The following PSMC3 variants were observed in gnomAD, a reference collection of about 807,000 sequenced individuals.
PSMC3 encodes 26S proteasome regulatory subunit 6A.
PSMC3 carries 11 observed loss-of-function variants against 52.0 expected under a neutral mutation model. The observed-to-expected ratio is 0.21, with a 90% confidence interval of 0.13 to 0.35. The LOEUF (loss-of-function observed/expected upper bound fraction) is 0.35. Ranked by LOEUF, PSMC3 falls within the 10% of genes least tolerant of loss-of-function variation. The pLI, the probability that PSMC3 is intolerant of heterozygous loss-of-function variation, is 1.00. For missense variants in PSMC3, 238 were observed against 567.1 expected, an observed-to-expected ratio of 0.42 and a Z score of 5.89; for synonymous variants, 201 against 218.8, an observed-to-expected ratio of 0.92 and a Z score of 0.72.
intron 11 of PSMC3, 62 bp from the exon 12 acceptor site, chr11:47,419,007 G>A (rs2096036652): frequency 2.5e-6 from 4 of 1,606,266 alleles, no homozygotes. Context: ...GGCTCCCTGA[G>A]GCTCAGGCCT....
intron 9 of PSMC3, 35 bp downstream of exon 9, chr11:47,420,596 C>G (rs1197963469): frequency 6.5e-7 from 1 of 1,541,726 alleles, no homozygotes; most frequent in Non-Finnish European, 8.8e-7. Flanking sequence ...GACCTCTGAG[C>G]CTCATCATCT....
intron 10 of PSMC3, 135 bp from the exon 11 acceptor site, chr11:47,419,332 G>A (rs2096037185): frequency 7.1e-6 from 6 of 842,162 alleles, no homozygotes; most frequent in Non-Finnish European, 9.7e-6. Flanking sequence ...TACTCAATGC[G>A]CCTTGTTTTC....
chr11:47,426,378 CTCCCCACAAA>C lies in PSMC3; in HGVS notation c.-109_-100del, dbSNP rs2096046567. On this transcript the variant is annotated 5_prime_UTR_variant, in exon 1 of 12. Coordinates refer to ENST00000298852, the MANE Select transcript of PSMC3 (RefSeq NM_002804.5). ...CCTTCTCTTGACCAGTGGAAAACCT[CTCCCCACAAA>C]TCCCGACTCTTGACCCGACCAGCTC... is the stretch of plus-strand genomic sequence containing the variant. 2.7e-6 allele frequency: 3 copies of C among 1,131,640 alleles called. No individual in the cohort carries two copies. The South Asian group carries it at 4.9e-5, about 18-fold the overall frequency. The allele number at this position is 1,131,640 out of a possible 1,614,324, so 70.1% of individuals were successfully genotyped here.
Position 47,420,269 on chromosome 11 carries a change from A to G in PSMC3, c.1122T>C (p.Asn374=). ...RIMQIHSRKM[N]VSPDVNYEEL... is the part of the protein sequence containing the mutation. ...CTGCCCGTGCTCCTGCTCACCTGAC[A>G]TTCATCTTTCGGGAGTGGATCTGCA... The change falls in exon 10 of 12, where the codon AAT becomes AAC. Residue 374 remains asparagine, a synonymous_variant. Coordinates refer to ENST00000298852, the MANE Select transcript of PSMC3 (RefSeq NM_002804.5). The G allele has an allele frequency of 2.5e-6, 4 of 1,614,100 alleles. No homozygotes were observed. Among genetic ancestry groups the G allele is most frequent in the Non-Finnish European group, 3.4e-6 (4 of 1,180,006 alleles).
At chr11:47,420,140 T>G in intron 10 of PSMC3, 124 bp downstream of exon 10, 1 of 1,155,326 alleles carries the variant, frequency 8.7e-7, no homozygotes, top group Non-Finnish European at 1.3e-6. Context: ...AACGGTGCTG[T>G]GTGTGCCTGG....
At chr11:47,419,222 G>A in intron 10 of PSMC3, 25 bp from the exon 11 acceptor site, 4 of 1,612,488 alleles carry the variant, frequency 2.5e-6, no homozygotes, top group Non-Finnish European at 3.4e-6. Flanking sequence ...GATACCACAG[G>A]CTCAGTGGCT....
rs1037918821 is a variant in PSMC3 at position 47,418,779 on chromosome 11, C to G, written c.*56G>C. On this transcript the variant is annotated 3_prime_UTR_variant, in exon 12 of 12. Transcript: ENST00000298852. ...AGGCAGACAAGCAGCGGCAGGGACC[C>G]TAAACCATCTTTTATTGCGCACTTC... 6.6e-7 allele frequency: 1 copy of G among 1,523,548 alleles called. No homozygotes were observed. The highest frequency in any genetic ancestry group is 1.7e-5 in the Admixed American group (1 of 57,912). The allele number at this position is 1,523,548 out of a possible 1,614,324, so 94.4% of individuals were successfully genotyped here. A position where few individuals can be genotyped will look rare whatever the true frequency, so the allele number is the denominator to read the frequency against.
chr11:47,423,014 G>C (rs775255708), intron 6 of PSMC3, 41 bp from the exon 7 acceptor site: 7 of 1,566,816 alleles, frequency 4.5e-6, no homozygotes, highest in Non-Finnish European at 6.0e-6. Flanking sequence ...GAAGCCCTGA[G>C]GGCTTCTACA....
intron 2 of PSMC3, 90 bp downstream of exon 2, chr11:47,425,777 G>C: frequency 8.8e-7 from 1 of 1,140,544 alleles, no homozygotes; most frequent in Non-Finnish European, 1.3e-6. Flanking sequence ...CTCCCCCAGG[G>C]TGCCCGATTA....
Position 47,424,529 on chromosome 11 carries a change from C to T in PSMC3, c.391-38G>A. ...TACAGGGGCAGTCTCAGTTAGTGTCCTCAGGGAAGGCTCCCTAGTCCTGTC... is the reference window on the plus strand; with the variant it reads ...TACAGGGGCAGTCTCAGTTAGTGTCTTCAGGGAAGGCTCCCTAGTCCTGTC... On this transcript the variant is annotated intron_variant, in intron 4 of 11. Coordinates refer to ENST00000298852, the MANE Select transcript of PSMC3 (RefSeq NM_002804.5). The surrounding 1 kb of genome is among the most constrained non-coding windows in gnomAD (Gnocchi z 4.8). The T allele has an allele frequency of 6.2e-7, 1 of 1,611,270 alleles. No homozygotes were observed. Among genetic ancestry groups the T allele is most frequent in the Non-Finnish European group, 8.5e-7 (1 of 1,177,428 alleles).
chr11:47,421,698 G>GC (rs2096040764), intron 8 of PSMC3, among the ~76,000 whole-genome samples: 1 of 150,588 alleles, frequency 6.6e-6, no homozygotes, highest in Admixed American at 6.6e-5. Flanking sequence ...TGTCATCCAG[G>GC]CCGGAGCACA....
intron 10 of PSMC3, among the ~76,000 whole-genome samples, chr11:47,419,878 A>AAAG (rs1431693335): frequency 6.6e-6 from 1 of 151,974 alleles, no homozygotes; most frequent in Admixed American, 6.6e-5. Flanking sequence ...AAAAAAAAAA[A>AAAG]AAAAGTAAGG....
rs1393039027 is a variant in PSMC3, at chr11:47,420,247, C to T, written c.1127+17G>A. 6.2e-7 allele frequency: 1 copy of T among 1,613,526 alleles called. No homozygotes were observed. The highest frequency in any genetic ancestry group is 1.7e-5 in the Admixed American group (1 of 59,990). On this transcript the variant is annotated intron_variant, in intron 10 of 11. Transcript: ENST00000298852. ...CGCCTGTTCAGGTCTCTGTGCCCTG[C>T]CCGTGCTCCTGCTCACCTGACATTC...
In PSMC3 at chr11:47,426,355, T is replaced by C; in HGVS notation, c.-76A>G. On this transcript the variant is annotated 5_prime_UTR_variant, in exon 1 of 12. Transcript: ENST00000298852. ...GATTAATACCGTCTTTCTTAAAGCC[T>C]TCTCTTGACCAGTGGAAAACCTCTC... 4 of 1,335,766 alleles carry C rather than the reference T, an allele frequency of 3.0e-6. No individual in the cohort carries two copies. Among genetic ancestry groups the C allele is most frequent in the Non-Finnish European group, 4.1e-6 (4 of 972,312 alleles). 82.7% of individuals were successfully genotyped at this position (1,335,766 alleles called of 1,614,324 possible). A position where few individuals can be genotyped will look rare whatever the true frequency, so the allele number is the denominator to read the frequency against.
At chr11:47,425,637 G>T in intron 2 of PSMC3, 1 of 552,768 alleles carries the variant, frequency 1.8e-6, no homozygotes. Flanking sequence ...TTCTCACTGG[G>T]AAAGGCAATC....
intron 10 of PSMC3, among the ~76,000 whole-genome samples, chr11:47,419,625 C>T (rs891106611): frequency 6.6e-5 from 10 of 152,214 alleles, no homozygotes; most frequent in Admixed American, 3.9e-4. Context: ...TTTGGGAGGC[C>T]AAGGTGGGCG....
chr11:47,419,813 C>T (rs572463650), intron 10 of PSMC3, among the ~76,000 whole-genome samples: 9 of 151,468 alleles, frequency 5.9e-5, no homozygotes, highest in Admixed American at 1.3e-4. Flanking sequence ...GAGCCGAGAT[C>T]GCGCCACTGT....
intron 2 of PSMC3, 146 bp from the exon 3 acceptor site, chr11:47,425,392 T>C: frequency 1.0e-6 from 1 of 966,748 alleles, no homozygotes; most frequent in Non-Finnish European, 1.6e-6. Flanking sequence ...AGAGTCTGAC[T>C]GTGTCCACAT....
intron 10 of PSMC3, 74 bp from the exon 11 acceptor site, chr11:47,419,271 G>A: frequency 1.3e-6 from 2 of 1,497,772 alleles, no homozygotes. Context: ...TCCTCCCCTG[G>A]CCCCGTCAAG....
Sources: allele counts gnomAD v4.1 joint callset (sites outside exome capture counted in the v4.1 genomes callset), GRCh38; gene constraint gnomAD v4.1.1; non-coding constraint Gnocchi (gnomAD v3.1); transcripts MANE v1.5; gene names NCBI Gene and HGNC (gene_info 2026-07-23, HGNC 2026-07-21).